Variants in NAV2 observed in about 807,000 individuals in gnomAD.
NAV2 encodes neuron navigator 2.
A neutral mutation model predicts 223.2 loss-of-function variants in NAV2; 54 were observed. The ratio of observed to expected loss-of-function variants is 0.24; its 90% CI spans 0.19 to 0.30. The LOEUF (loss-of-function observed/expected upper bound fraction) is 0.30. Ranked by LOEUF, NAV2 falls within the 10% of genes least tolerant of loss-of-function variation. The pLI is 1.00. For synonymous variants in NAV2, 1,279 were observed against 1,239.3 expected (o/e 1.03, Z -0.67); for missense variants, 2,806 against 3,147.5 (o/e 0.89, Z 2.60).
intron 37 of NAV2, 43 bp from the exon 38 acceptor site, chr11:20,118,090 A>T (rs752977365): frequency 1.2e-6 from 2 of 1,610,564 alleles, no homozygotes; most frequent in South Asian, 2.2e-5. Flanking sequence ...GTGGGCGGCC[A>T]ACTAGACAGA....
chr11:20,006,212 G>A (rs979025912), intron 11 of NAV2, among the ~76,000 whole-genome samples: 27 of 152,146 alleles, frequency 1.8e-4, no homozygotes, highest in Admixed American at 1.7e-3. Flanking sequence ...GGTTCCCATA[G>A]GGATCATTAG....
intron 8 of NAV2, among the ~76,000 whole-genome samples, chr11:19,940,699 G>A (rs2046333963): frequency 6.6e-6 from 1 of 152,212 alleles, no homozygotes; most frequent in African/African-American, 2.4e-5. Flanking sequence ...TTGGTCTGCA[G>A]CCCAGTGATT....
chr11:19,616,723 A>G (rs572371809), intron 1 of NAV2, among the ~76,000 whole-genome samples: 4 of 152,132 alleles, frequency 2.6e-5, no homozygotes, highest in Middle Eastern at 3.4e-3. Context: ...CTCCTCTGGC[A>G]TAAGTGGTGA....
intron 1 of NAV2, among the ~76,000 whole-genome samples, chr11:19,473,529 A>G (rs2042027760): frequency 6.6e-6 from 1 of 152,216 alleles, no homozygotes; most frequent in African/African-American, 2.4e-5. Flanking sequence ...CAAAAGCGAA[A>G]TGATTTGGGA....
chr11:19,883,672 C>T (rs1326290116), intron 5 of NAV2, among the ~76,000 whole-genome samples: 1 of 152,184 alleles, frequency 6.6e-6, no homozygotes, highest in African/African-American at 2.4e-5. Flanking sequence ...ATATTTCTAT[C>T]TTTCAGAAAG....
chr11:19,884,970 A>C (rs2063441013), intron 5 of NAV2, among the ~76,000 whole-genome samples: 1 of 152,234 alleles, frequency 6.6e-6, no homozygotes, highest in Non-Finnish European at 1.5e-5. Context: ...AATAAAAAAC[A>C]GGCTTGCTCA....
intron 1 of NAV2, among the ~76,000 whole-genome samples, chr11:19,580,523 C>A (rs1021121970): frequency 6.6e-6 from 1 of 152,098 alleles, no homozygotes; most frequent in Non-Finnish European, 1.5e-5. Flanking sequence ...GTCCCACTCC[C>A]ATGATAACCC....
rs532951817 is a variant in NAV2, at chr11:20,002,441, G to A, written c.2768+18194G>A. Among the ~76,000 whole-genome samples, 4 of 152,270 alleles carry A rather than the reference G, an allele frequency of 2.6e-5. No individual in the cohort carries two copies. The South Asian group carries it at 6.2e-4, about 24-fold the overall frequency. On this transcript the variant is annotated intron_variant, in intron 11 of 37. Coordinates refer to ENST00000349880, the MANE Select transcript of NAV2 (RefSeq NM_145117.5). ...GAAGGGACAGCGCAGTCAGGGAGAT[G>A]TCAGTGCGTTCAGATTCAGAGGGCA...
chr11:19,805,420 G>T (rs1343679373), intron 1 of NAV2, among the ~76,000 whole-genome samples: 1 of 151,366 alleles, frequency 6.6e-6, no homozygotes, highest in African/African-American at 2.4e-5. Context: ...TGAGATGGGG[G>T]TTTGGCGTCC....
chr11:19,417,771 A>G (rs1011476017), intron 1 of NAV2, among the ~76,000 whole-genome samples: 2 of 152,184 alleles, frequency 1.3e-5, no homozygotes, highest in African/African-American at 4.8e-5. Context: ...CTGGGTAAAT[A>G]ATGGAACACT....
intron 1 of NAV2, among the ~76,000 whole-genome samples, chr11:19,509,327 C>G: frequency 6.6e-6 from 1 of 152,112 alleles, no homozygotes; most frequent in Middle Eastern, 3.2e-3. Flanking sequence ...ACAAAATCAT[C>G]TTGGACAGGA....
chr11:19,402,350 G>A (rs916022250), intron 1 of NAV2, among the ~76,000 whole-genome samples: 4 of 152,190 alleles, frequency 2.6e-5, no homozygotes, highest in East Asian at 1.9e-4. Flanking sequence ...ACATAGAGTC[G>A]TGGTGATTAT....
chr11:19,712,620 G>A (rs1225533820), upstream of NAV2: 1 of 151,952 alleles, frequency 6.6e-6, no homozygotes. Context: ...TGGGCCCCCC[G>A]GGAGGCGCGC....
chr11:19,901,126 A>C (rs2042411234), intron 6 of NAV2, among the ~76,000 whole-genome samples: 1 of 152,218 alleles, frequency 6.6e-6, no homozygotes, highest in South Asian at 2.1e-4. Context: ...AGGCATTACA[A>C]ACTGAGTCCT....
intron 4 of NAV2, among the ~76,000 whole-genome samples, chr11:19,871,627 G>A (rs767591743): frequency 3.9e-5 from 6 of 152,134 alleles, no homozygotes; most frequent in South Asian, 4.2e-4. Flanking sequence ...TGATCCCTCC[G>A]GTACCTACCA....
At chr11:20,089,342 CT>C (rs1214018749) in intron 26 of NAV2, among the ~76,000 whole-genome samples, 1 of 152,196 alleles carries the variant, frequency 6.6e-6, no homozygotes, top group Non-Finnish European at 1.5e-5. Flanking sequence ...AAACATTTGG[CT>C]ATTCAAGTGT....
chr11:19,966,424 C>T (rs1212536967), intron 10 of NAV2, among the ~76,000 whole-genome samples: 1 of 152,082 alleles, frequency 6.6e-6, no homozygotes, highest in Non-Finnish European at 1.5e-5. Context: ...GCATCATGGG[C>T]CCTCCTTTTG....
chr11:19,879,466 C>G (rs1355980219), intron 4 of NAV2, among the ~76,000 whole-genome samples: 8 of 152,076 alleles, frequency 5.3e-5, no homozygotes, highest in African/African-American at 1.5e-4. Context: ...GGCACACTCA[C>G]TGTGGCTTGA....
At chr11:19,649,597 G>A (rs147554098) in intron 1 of NAV2, among the ~76,000 whole-genome samples, 25 of 152,246 alleles carry the variant, frequency 1.6e-4, no homozygotes, top group Non-Finnish European at 2.1e-4. Flanking sequence ...TTTTATAAGT[G>A]CACTGATCCC....
Sources: allele counts gnomAD v4.1 joint callset (sites outside exome capture counted in the v4.1 genomes callset), GRCh38; gene constraint gnomAD v4.1.1; transcripts MANE v1.5; gene names NCBI Gene and HGNC (gene_info 2026-07-23, HGNC 2026-07-21).